The following ESR2 variants were observed in gnomAD, a reference collection of about 807,000 sequenced individuals.
ESR2 encodes the protein estrogen receptor beta.
Under a neutral mutation model 49.6 loss-of-function variants are expected in ESR2, and 36 were observed. That is an observed-to-expected ratio of 0.73 (90% confidence interval 0.56 to 0.96). ESR2 has a LOEUF of 0.96. Ranked by LOEUF, ESR2 falls within the 40% of genes least tolerant of loss-of-function variation. The pLI, the probability that ESR2 is intolerant of heterozygous loss-of-function variation, is 0.00. For synonymous variants in ESR2, 320 were observed against 266.1 expected, an observed-to-expected ratio of 1.20 and a Z score of -1.97; for missense variants, 714 against 693.0, an observed-to-expected ratio of 1.03 and a Z score of -0.34.
chr14:64,315,631 C>A (rs1333014356), intron 1 of ESR2, among the ~76,000 whole-genome samples: 1 of 150,366 alleles, frequency 6.7e-6, no homozygotes, highest in Non-Finnish European at 1.5e-5. Flanking sequence ...CGCACCACCA[C>A]ACCTGGCTAA....
chr14:64,246,808 T>C (rs2075870855), intron 7 of ESR2, among the ~76,000 whole-genome samples: 1 of 131,220 alleles, frequency 7.6e-6, no homozygotes, highest in East Asian at 2.7e-4. Flanking sequence ...ATCAACATAA[T>C]CATCAGTATA....
At chr14:64,305,478 G>A (rs557555250) in intron 1 of ESR2, among the ~76,000 whole-genome samples, 3 of 151,442 alleles carry the variant, frequency 2.0e-5, no homozygotes, top group African/African-American at 4.8e-5. Flanking sequence ...AGACCATCCT[G>A]GCTAACACAG....
intron 1 of ESR2, among the ~76,000 whole-genome samples, chr14:64,310,176 G>GGCTGAA (rs2077168411): frequency 1.3e-5 from 2 of 151,868 alleles, no homozygotes; most frequent in Non-Finnish European, 2.9e-5. Context: ...GGAAGGCTGA[G>GGCTGAA]GCAGGAGAAT....
At chr14:64,274,467 C>G (rs2076516328) in intron 3 of ESR2, among the ~76,000 whole-genome samples, 1 of 152,006 alleles carries the variant, frequency 6.6e-6, no homozygotes, top group East Asian at 1.9e-4. Flanking sequence ...CCTTTTTCAT[C>G]TGATTTTATT....
intron 1 of ESR2, among the ~76,000 whole-genome samples, chr14:64,333,664 G>A (rs1177266748): frequency 6.6e-6 from 1 of 152,090 alleles, no homozygotes; most frequent in Non-Finnish European, 1.5e-5. Context: ...CCAAACAAGA[G>A]GGGAAATCCC....
intron 3 of ESR2, among the ~76,000 whole-genome samples, chr14:64,273,911 A>G (rs956978032): frequency 4.0e-5 from 6 of 148,430 alleles, no homozygotes; most frequent in African/African-American, 1.5e-4. Context: ...GGATGAAGCC[A>G]TCAGTCCTGG....
chr14:64,298,135 A>G (rs1407304425), upstream of ESR2, among the ~76,000 whole-genome samples: 4 of 152,250 alleles, frequency 2.6e-5, no homozygotes, highest in Admixed American at 2.0e-4. Context: ...TTGAATTTGG[A>G]TAGAGCTCTT....
intron 6 of ESR2, among the ~76,000 whole-genome samples, chr14:64,252,332 A>G (rs1265789666): frequency 6.6e-6 from 1 of 152,032 alleles, no homozygotes. Flanking sequence ...AACAAAAACA[A>G]AAACAGGGCA....
At chr14:64,288,283 A>G (rs967310928) in intron 1 of ESR2, among the ~76,000 whole-genome samples, 9 of 152,134 alleles carry the variant, frequency 5.9e-5, no homozygotes, top group Non-Finnish European at 1.3e-4. Context: ...AATTTTGACA[A>G]TGATTCATGG....
At chr14:64,312,751 A>T (rs2077200411) in intron 1 of ESR2, among the ~76,000 whole-genome samples, 1 of 152,082 alleles carries the variant, frequency 6.6e-6, no homozygotes, top group Admixed American at 6.6e-5. Context: ...TACTAAAAAT[A>T]CAAAAAAATT....
chr14:64,270,183 G>A (rs772880860), intron 3 of ESR2, among the ~76,000 whole-genome samples: 1 of 152,162 alleles, frequency 6.6e-6, no homozygotes, highest in African/African-American at 2.4e-5. Context: ...AATGAAATGA[G>A]CAAGTCATAA....
intron 3 of ESR2, among the ~76,000 whole-genome samples, chr14:64,279,726 T>C (rs1235956492): frequency 6.6e-6 from 1 of 152,250 alleles, no homozygotes. Flanking sequence ...ATGTCTTCTA[T>C]CCAACACCCA....
Position 64,260,634 on chromosome 14 carries a change from C to T in ESR2, c.767G>A (p.Arg256Gln), listed in dbSNP as rs202146084. The change falls in exon 5 of 9, where the codon CGG (arginine) becomes CAG (glutamine). Residue 256 changes from arginine to glutamine, a missense_variant. Coordinates refer to ENST00000341099, the MANE Select transcript of ESR2 (RefSeq NM_001437.3). Reference protein sequence around the residue: ...KRSGGHAPRVRELLLDALSPE... With the variant: ...KRSGGHAPRVQELLLDALSPE... ...GCTCAGGGCGTCCAGCAGCAGCTCC[C>T]GCACTCGGGGCGCGTGGCCGCCACT... is the stretch of plus-strand genomic sequence containing the variant. The T allele has an allele frequency of 6.2e-7, 1 of 1,610,158 alleles. No individual in the cohort carries two copies. Among genetic ancestry groups the T allele is most frequent in the Non-Finnish European group, 8.5e-7 (1 of 1,178,102 alleles).
rs1181226244 is a variant in ESR2, at chr14:64,232,946, AGG to A, written c.*189_*190del. The A allele has an allele frequency of 8.0e-7, 1 of 1,249,870 alleles. No homozygotes were observed. Among genetic ancestry groups the A allele is most frequent in the Non-Finnish European group, 1.1e-6 (1 of 951,846 alleles). 77.4% of individuals were successfully genotyped at this position (1,249,870 alleles called of 1,614,324 possible). ...CATTCAAATGTGCCCTCTGCTAACA[AGG>A]GAAACTATGGCTTCCTCACACCGAC... On this transcript the variant is annotated 3_prime_UTR_variant, in exon 9 of 9. Transcript: ENST00000341099.
chr14:64,317,835 G>T (rs1200284297), intron 1 of ESR2, among the ~76,000 whole-genome samples: 1 of 151,986 alleles, frequency 6.6e-6, no homozygotes, highest in Non-Finnish European at 1.5e-5. Flanking sequence ...AGAAAAACAG[G>T]AATACAGGGG....
intron 4 of ESR2, among the ~76,000 whole-genome samples, chr14:64,264,602 C>T (rs61984411): frequency 0.077 from 11,674 of 152,154 alleles, 550 homozygotes; most frequent in Non-Finnish European, 0.098. Flanking sequence ...GGCAAGGTGG[C>T]TCATGCCTGT....
chr14:64,327,420 G>GTGTGGTGA (rs1339298773), intron 1 of ESR2, among the ~76,000 whole-genome samples: 20 of 106,120 alleles, frequency 1.9e-4, no homozygotes, highest in South Asian at 2.9e-4. Context: ...ATTAGGCCAG[G>GTGTGGTGA]CACAGTGGCT....
intron 1 of ESR2, among the ~76,000 whole-genome samples, chr14:64,285,037 G>A (rs564240081): frequency 6.6e-6 from 1 of 152,094 alleles, no homozygotes; most frequent in South Asian, 2.1e-4. Context: ...TTTTAGTAGA[G>A]ACGGCGTTTC....
intron 1 of ESR2, among the ~76,000 whole-genome samples, chr14:64,321,655 T>C (rs1037856273): frequency 3.3e-5 from 5 of 152,242 alleles, no homozygotes; most frequent in Non-Finnish European, 5.9e-5. Flanking sequence ...ATCCAAATTA[T>C]GGGAAGAAGG....
Sources: gnomAD v4.1 joint callset for allele counts (sites outside exome capture counted in the v4.1 genomes callset) on GRCh38, gnomAD v4.1.1 for gene constraint, MANE v1.5 for transcripts, NCBI Gene and HGNC (gene_info 2026-07-23, HGNC 2026-07-21) for gene names.